The following BOK variants were observed in gnomAD, a reference collection of about 807,000 sequenced individuals.
BOK encodes bcl-2-related ovarian killer protein.
In BOK, 20 loss-of-function variants were observed where a neutral mutation model predicts 18.3. That is an observed-to-expected ratio of 1.09 (90% CI 0.77 to 1.59). BOK has a LOEUF of 1.59. BOK is among the 40% of genes most tolerant of loss of function. The pLI, the probability that BOK is intolerant of heterozygous loss-of-function variation, is 0.00. For missense variants in BOK, 348 were observed against 307.9 expected, an observed-to-expected ratio of 1.13 and a Z score of -0.97; for synonymous variants, 173 against 142.4, an observed-to-expected ratio of 1.21 and a Z score of -1.53.
chr2:241,565,277 C>T (rs1468593178), intron 3 of BOK, among the ~76,000 whole-genome samples: 4 of 151,050 alleles, frequency 2.6e-5, no homozygotes, highest in East Asian at 2.0e-4. Flanking sequence ...TACTCTGAGG[C>T]GGCCCTGCCC....
At chr2:241,564,509 G>C in intron 3 of BOK, among the ~76,000 whole-genome samples, 1 of 151,950 alleles carries the variant, frequency 6.6e-6, no homozygotes, top group Admixed American at 6.5e-5. Flanking sequence ...GCAGACCTGA[G>C]TCGGCTGGGG....
At chr2:241,553,001 G>C (rs958380640) in intron 1 of BOK, among the ~76,000 whole-genome samples, 1 of 152,222 alleles carries the variant, frequency 6.6e-6, no homozygotes, top group African/African-American at 2.4e-5. Flanking sequence ...AGGCCACCGG[G>C]TAGTGGGTGG....
In BOK at chr2:241,572,366, T is replaced by C; in HGVS notation, c.583T>C (p.Cys195Arg). 2 of 1,607,560 alleles carry C rather than the reference T, an allele frequency of 1.2e-6. No individual in the cohort carries two copies. Among genetic ancestry groups the C allele is most frequent in the South Asian group, 1.1e-5 (1 of 90,680 alleles). The change falls in exon 5 of 5, where the codon TGC becomes CGC. Residue 195 changes from cysteine (C) to arginine (R), a missense_variant. Physicochemically the swap from Cys to Arg is radical, Grantham distance 180. Coordinates refer to ENST00000318407, the MANE Select transcript of BOK (RefSeq NM_032515.5). Reference protein sequence around the residue: ...LRSHWLVAALCSFGRFLKAAF... With the variant: ...LRSHWLVAALRSFGRFLKAAF... The stretch of plus-strand genomic sequence containing the variant: ...CTCCCACTGGCTGGTGGCTGCACTC[T>C]GCAGCTTCGGCCGCTTCCTGAAGGC...
At chr2:241,568,206 C>T (rs1019143914) in intron 3 of BOK, among the ~76,000 whole-genome samples, 6 of 152,112 alleles carry the variant, frequency 3.9e-5, no homozygotes, top group East Asian at 3.8e-4. Context: ...CTGCAAGCTC[C>T]GCCTCCTGGG....
At chr2:241,568,643 C>G (rs1171594805) in intron 3 of BOK, among the ~76,000 whole-genome samples, 1 of 152,162 alleles carries the variant, frequency 6.6e-6, no homozygotes, top group Non-Finnish European at 1.5e-5. Context: ...GTCTTGAACT[C>G]CTGACCTCAG....
chr2:241,551,885 C>T (rs911800307), intron 1 of BOK, among the ~76,000 whole-genome samples: 4 of 151,364 alleles, frequency 2.6e-5, no homozygotes, highest in African/African-American at 9.7e-5. Flanking sequence ...CAGTATTCAC[C>T]TCGGCCACTT....
intron 3 of BOK, among the ~76,000 whole-genome samples, chr2:241,569,186 A>C (rs1164406317): frequency 6.6e-6 from 1 of 152,224 alleles, no homozygotes; most frequent in Non-Finnish European, 1.5e-5. Context: ...GCTGGAGTGT[A>C]CTGGCGCGAT....
chr2:241,557,829 C>G (rs2066465057), upstream of BOK, among the ~76,000 whole-genome samples: 2 of 152,052 alleles, frequency 1.3e-5, no homozygotes, highest in African/African-American at 4.8e-5. Context: ...ACTTTTAATT[C>G]AGAGAGGACA....
intron 1 of BOK, among the ~76,000 whole-genome samples, chr2:241,551,772 AAC>A (rs1353728411): frequency 1.3e-5 from 2 of 152,182 alleles, no homozygotes; most frequent in Admixed American, 6.5e-5. Context: ...GCCAAGTGAA[AAC>A]ACAGGAATCT....
chr2:241,562,555 A>G lies in BOK; in HGVS notation c.349+79A>G. The G allele has an allele frequency of 6.7e-7, 1 of 1,498,674 alleles. No homozygotes were observed. The highest frequency in any genetic ancestry group is 8.9e-7 in the Non-Finnish European group (1 of 1,125,862). 92.8% of individuals were successfully genotyped at this position (1,498,674 alleles called of 1,614,324 possible). On this transcript the variant is annotated intron_variant, in intron 3 of 4. Coordinates refer to ENST00000318407, the MANE Select transcript of BOK (RefSeq NM_032515.5). This position sits in a 1 kb window ranked among gnomAD's most constrained non-coding sequence, Gnocchi z 4.5. ...GGCTCAGGCTCACAGGGACCCCACG[A>G]GCTGGCCCCCACCCATCCTGGCGCT...
chr2:241,559,500 G>A lies in BOK; in HGVS notation c.17G>A (p.Arg6His), dbSNP rs1195926179. The A allele has an allele frequency of 4.7e-6, 7 of 1,483,340 alleles. No individual in the cohort carries two copies. The highest frequency in any genetic ancestry group is 2.3e-5 in the Admixed American group (1 of 43,322). The allele number at this position is 1,483,340 out of a possible 1,614,324, so 91.9% of individuals were successfully genotyped here. The change falls in exon 2 of 5, where the codon CGC becomes CAC. Residue 6 changes from arginine to histidine, a missense_variant. Coordinates refer to ENST00000318407, the MANE Select transcript of BOK (RefSeq NM_032515.5). ...GTCGCCGCCATGGAGGTGCTGCGGCGCTCCTCGGTCTTCGCCGCCGAGATC... is the reference window on the plus strand; with the variant it reads ...GTCGCCGCCATGGAGGTGCTGCGGCACTCCTCGGTCTTCGCCGCCGAGATC... MEVLR[R>H]SSVFAAEIMD...
intron 3 of BOK, among the ~76,000 whole-genome samples, chr2:241,566,177 G>A (rs562830678): frequency 7.2e-5 from 11 of 152,066 alleles, no homozygotes; most frequent in African/African-American, 1.4e-4. Context: ...TCAGCTACTC[G>A]GGAGGCTGAG....
chr2:241,557,080 T>C (rs1474731345), upstream of BOK, among the ~76,000 whole-genome samples: 4 of 152,168 alleles, frequency 2.6e-5, no homozygotes, highest in African/African-American at 9.7e-5. Flanking sequence ...TCATTCTTGA[T>C]AGTGAAATTT....
upstream of BOK, among the ~76,000 whole-genome samples, chr2:241,555,418 C>T (rs892636549): frequency 6.6e-6 from 1 of 151,808 alleles, no homozygotes; most frequent in African/African-American, 2.4e-5. Context: ...TTCTGTTGCC[C>T]AGGCTGGAGT....
chr2:241,569,042 T>TA (rs1284326924), intron 3 of BOK, among the ~76,000 whole-genome samples: 11 of 152,208 alleles, frequency 7.2e-5, no homozygotes, highest in African/African-American at 2.7e-4. Flanking sequence ...GCCATTCAGA[T>TA]ACTGCCAGTG....
At chr2:241,552,364 AG>A (rs1213694291) in intron 1 of BOK, among the ~76,000 whole-genome samples, 1 of 152,116 alleles carries the variant, frequency 6.6e-6, no homozygotes, top group Non-Finnish European at 1.5e-5. Context: ...GCTTCCTGCG[AG>A]CCGCTTGTGT....
chr2:241,571,884 G>A (rs1304819158), intron 4 of BOK, among the ~76,000 whole-genome samples: 1 of 152,240 alleles, frequency 6.6e-6, no homozygotes, highest in East Asian at 1.9e-4. Context: ...TGGTAGCCCA[G>A]GCTCCAAGGC....
rs936449063 is a variant in BOK, at chr2:241,562,038, G to C, written c.221-310G>C. Among the ~76,000 whole-genome samples, 3 of 152,254 alleles carry C rather than the reference G, an allele frequency of 2.0e-5. No individual in the cohort carries two copies. Among genetic ancestry groups the C allele is most frequent in the African/African-American group, 7.2e-5 (3 of 41,478 alleles). On this transcript the variant is annotated intron_variant, in intron 2 of 4. Coordinates refer to ENST00000318407, the MANE Select transcript of BOK (RefSeq NM_032515.5). The surrounding 1 kb of genome is among the most constrained non-coding windows in gnomAD (Gnocchi z 4.5). ...CGGCTGTGAGTCACCAGCAGGCACG[G>C]CCCACGCTCTCGCAGGATTCCCGCC...
intron 3 of BOK, among the ~76,000 whole-genome samples, chr2:241,563,249 C>T (rs973654119): frequency 1.3e-5 from 2 of 152,234 alleles, no homozygotes; most frequent in Admixed American, 6.5e-5. Context: ...TCCACTTGTC[C>T]AGCTGCCTTG....
Sources: gnomAD v4.1 joint callset for allele counts (sites outside exome capture counted in the v4.1 genomes callset) on GRCh38, gnomAD v4.1.1 for gene constraint, Gnocchi (gnomAD v3.1) non-coding constraint, MANE v1.5 for transcripts, NCBI Gene and HGNC (gene_info 2026-07-23, HGNC 2026-07-21) for gene names.